The following NETO1 variants were observed in gnomAD, a reference collection of about 807,000 sequenced individuals.
NETO1 encodes neuropilin and tolloid-like protein 1.
In NETO1, 26 loss-of-function variants were observed where a neutral mutation model predicts 61.3. That is an observed-to-expected ratio of 0.42 (90% CI 0.31 to 0.59). The LOEUF is 0.59. Among genes scored for constraint, NETO1 ranks in the 20% least tolerant of loss-of-function variants. NETO1 has a pLI of 0.12. For missense variants in NETO1, 531 were observed against 662.8 expected (o/e 0.80, Z 2.18); for synonymous variants, 225 against 225.8 (o/e 1.00, Z 0.03).
At chr18:72,753,917 G>T (rs948890688) in intron 8 of NETO1, among the ~76,000 whole-genome samples, 1 of 152,076 alleles carries the variant, frequency 6.6e-6, no homozygotes, top group African/African-American at 2.4e-5. Flanking sequence ...TATATAAAAA[G>T]TTACACTAAT....
chr18:72,786,796 T>A (rs948366077), intron 6 of NETO1, among the ~76,000 whole-genome samples: 3 of 151,884 alleles, frequency 2.0e-5, no homozygotes, highest in Non-Finnish European at 4.4e-5. Flanking sequence ...ACTCGTTTGT[T>A]TTTTCAATGT....
chr18:72,778,292 T>C (rs1272194616), intron 7 of NETO1, among the ~76,000 whole-genome samples: 1 of 152,216 alleles, frequency 6.6e-6, no homozygotes, highest in Non-Finnish European at 1.5e-5. Flanking sequence ...TCCACACTTA[T>C]TTTATCAGAT....
At chr18:72,813,686 A>T (rs933410904) in intron 4 of NETO1, among the ~76,000 whole-genome samples, 4 of 152,206 alleles carry the variant, frequency 2.6e-5, no homozygotes, top group African/African-American at 9.6e-5. Context: ...GACAGATTTA[A>T]TAAGACTATA....
intron 4 of NETO1, among the ~76,000 whole-genome samples, chr18:72,852,205 ATGTT>A (rs1391953567): frequency 1.2e-4 from 18 of 151,874 alleles, no homozygotes; most frequent in Non-Finnish European, 1.9e-4. Context: ...CTTCCTTTTC[ATGTT>A]TGTTTGTTTG....
chr18:72,760,965 A>G (rs1288070928), intron 7 of NETO1, among the ~76,000 whole-genome samples: 1 of 152,246 alleles, frequency 6.6e-6, no homozygotes, highest in East Asian at 1.9e-4. Context: ...AGATACTGTC[A>G]TATGGTGTAT....
intron 4 of NETO1, among the ~76,000 whole-genome samples, chr18:72,827,835 G>C (rs1174539029): frequency 1.3e-5 from 2 of 152,142 alleles, no homozygotes; most frequent in African/African-American, 4.8e-5. Flanking sequence ...CAATACTTCT[G>C]TGAGAATTTT....
At chr18:72,757,977 T>C (rs2070840439) in intron 7 of NETO1, among the ~76,000 whole-genome samples, 1 of 152,188 alleles carries the variant, frequency 6.6e-6, no homozygotes. Context: ...ACCCATCAAG[T>C]AGGAAATACC....
At chr18:72,789,770 C>A (rs1375363844) in intron 6 of NETO1, among the ~76,000 whole-genome samples, 9 of 152,002 alleles carry the variant, frequency 5.9e-5, no homozygotes, top group Admixed American at 5.2e-4. Context: ...ATTTCTTAAT[C>A]CCCTGATTCT....
At position 72,830,215 on chromosome 18, in the gene NETO1, C is replaced by G. The variant is rs1197867908; in HGVS notation, c.469+28611G>C. On this transcript the variant is annotated intron_variant, in intron 4 of 10. Transcript: ENST00000327305. This position sits in a 1 kb window ranked among gnomAD's most constrained non-coding sequence, Gnocchi z 4.9. ...AGCGGCGGCACAGGGAAGGAAGCAGCCCTCCCAAGAGACGGGAACAGCAGT... is the reference window on the plus strand; with the variant it reads ...AGCGGCGGCACAGGGAAGGAAGCAGGCCTCCCAAGAGACGGGAACAGCAGT... 6.6e-6 allele frequency among the ~76,000 whole-genome samples: 1 copy of G among 152,042 alleles called. No individual in the cohort carries two copies. Among genetic ancestry groups the G allele is most frequent in the African/African-American group, 2.4e-5 (1 of 41,380 alleles).
At chr18:72,807,739 C>A (rs1447760644) in intron 4 of NETO1, among the ~76,000 whole-genome samples, 2 of 58,948 alleles carry the variant, frequency 3.4e-5, no homozygotes, top group African/African-American at 5.8e-5. Flanking sequence ...CACACACACA[C>A]ACACACACAC....
chr18:72,768,198 C>T (rs959461745), intron 7 of NETO1, among the ~76,000 whole-genome samples: 6 of 152,186 alleles, frequency 3.9e-5, no homozygotes, highest in Admixed American at 3.9e-4. Context: ...CACATCTATA[C>T]TTGCCCAAAG....
chr18:72,790,265 T>C (rs893169336), intron 6 of NETO1, among the ~76,000 whole-genome samples: 18 of 152,222 alleles, frequency 1.2e-4, no homozygotes, highest in African/African-American at 4.3e-4. Context: ...TAGCTTGATT[T>C]AATCATTCCA....
In NETO1 at chr18:72,783,906, T is replaced by G; in HGVS notation, c.640A>C (p.Ile214Leu). The G allele has an allele frequency of 6.3e-7, 1 of 1,599,776 alleles. No individual in the cohort carries two copies. Among genetic ancestry groups the G allele is most frequent in the Non-Finnish European group, 8.6e-7 (1 of 1,167,502 alleles). Residue 214 changes from isoleucine to leucine, a missense_variant and splice_region_variant, in exon 7 of 11, where the codon ATT becomes CTT. By Grantham distance (5) the Ile-to-Leu change is conservative. Coordinates refer to ENST00000327305, the MANE Select transcript of NETO1 (RefSeq NM_138966.5). ...WYIRAPPRSK[I>L]YLRFLDYEMQ... ...TCATAGTCCAAGAATCGTAAGTAAA[T>G]CTATAAAACAAAAATAAAATAATTT...
chr18:72,862,361 C>T (rs754205797), intron 3 of NETO1, among the ~76,000 whole-genome samples: 3 of 152,138 alleles, frequency 2.0e-5, no homozygotes, highest in South Asian at 2.1e-4. Flanking sequence ...ATATTTATGA[C>T]GTACATATAT....
intron 4 of NETO1, among the ~76,000 whole-genome samples, chr18:72,813,748 G>T (rs1398512598): frequency 6.6e-6 from 1 of 152,128 alleles, no homozygotes; most frequent in Non-Finnish European, 1.5e-5. Context: ...TGCACAGACA[G>T]ATGAAGAGTG....
chr18:72,825,802 T>A (rs2073353961), intron 4 of NETO1, among the ~76,000 whole-genome samples: 2 of 152,182 alleles, frequency 1.3e-5, no homozygotes, highest in Non-Finnish European at 1.5e-5. Context: ...TCTTTAAAAG[T>A]GAAATTTTGA....
intron 3 of NETO1, among the ~76,000 whole-genome samples, chr18:72,863,860 C>T (rs1398050040): frequency 6.6e-6 from 1 of 152,036 alleles, no homozygotes; most frequent in Non-Finnish European, 1.5e-5. Context: ...TAGGTACTAA[C>T]AGTTGGAATA....
intron 4 of NETO1, chr18:72,834,162 C>T (rs1319169481): frequency 7.0e-5 from 50 of 716,010 alleles, no homozygotes; most frequent in Middle Eastern, 7.2e-4. Flanking sequence ...GTTTAAAAAA[C>T]ATTTTAATAT....
chr18:72,806,865 T>A (rs72634467), intron 4 of NETO1, among the ~76,000 whole-genome samples: 3,319 of 152,286 alleles, frequency 0.022, 128 homozygotes, highest in East Asian at 0.17. Flanking sequence ...CAATGTCTAA[T>A]TTGAAACTAA....
Sources: gnomAD v4.1 joint callset for allele counts (sites outside exome capture counted in the v4.1 genomes callset) on GRCh38, gnomAD v4.1.1 for gene constraint, Gnocchi (gnomAD v3.1) non-coding constraint, MANE v1.5 for transcripts, NCBI Gene and HGNC (gene_info 2026-07-23, HGNC 2026-07-21) for gene names.